The following CNTN5 variants were observed in gnomAD, a reference collection of about 807,000 sequenced individuals.
CNTN5 encodes the protein contactin-5.
CNTN5 carries 77 observed loss-of-function variants against 129.1 expected under a neutral mutation model. That is an observed-to-expected ratio of 0.60 (90% confidence interval 0.50 to 0.72). CNTN5 has a LOEUF of 0.72. CNTN5 is among the 30% of genes least tolerant of loss of function. The probability of loss-of-function intolerance (pLI) is 0.00; values close to 1 mark genes in which losing one functional copy is unlikely to be tolerated. For synonymous variants in CNTN5, 509 were observed against 465.6 expected, an observed-to-expected ratio of 1.09 and a Z score of -1.20; for missense variants, 1,478 against 1,328.8, an observed-to-expected ratio of 1.11 and a Z score of -1.75.
At chr11:99,372,619 A>T (rs1939890857) in intron 2 of CNTN5, among the ~76,000 whole-genome samples, 1 of 152,176 alleles carries the variant, frequency 6.6e-6, no homozygotes, top group African/African-American at 2.4e-5. Context: ...AAAATGTGAA[A>T]AAAAAAAGCT....
intron 2 of CNTN5, among the ~76,000 whole-genome samples, chr11:99,357,316 A>G (rs1938746860): frequency 6.6e-6 from 1 of 152,190 alleles, no homozygotes; most frequent in Non-Finnish European, 1.5e-5. Context: ...CCTGAGATCC[A>G]ATAGTTATTA....
chr11:99,296,024 T>C (rs2085901), intron 1 of CNTN5, among the ~76,000 whole-genome samples: 66,580 of 152,076 alleles, frequency 0.44, 14,738 homozygotes, highest in East Asian at 0.67. Context: ...GCTGCAAAAT[T>C]CTTCACAAAT....
At chr11:99,934,751 G>T (rs1950268816) in intron 7 of CNTN5, among the ~76,000 whole-genome samples, 1 of 151,424 alleles carries the variant, frequency 6.6e-6, no homozygotes, top group South Asian at 2.1e-4. Flanking sequence ...TGGGTGTGGT[G>T]GTATGCACCT....
At chr11:99,800,887 C>G (rs566991280) in intron 3 of CNTN5, among the ~76,000 whole-genome samples, 3 of 152,188 alleles carry the variant, frequency 2.0e-5, no homozygotes, top group African/African-American at 7.2e-5. Flanking sequence ...AATTGCCACT[C>G]TGTTCCTTTT....
At chr11:99,670,667 TC>T (rs1456944286) in intron 3 of CNTN5, among the ~76,000 whole-genome samples, 1 of 152,156 alleles carries the variant, frequency 6.6e-6, no homozygotes, top group Admixed American at 6.6e-5. Flanking sequence ...GTAGAGGAGA[TC>T]CCACAAATGT....
At chr11:99,236,325 T>C (rs1281902368) in intron 1 of CNTN5, among the ~76,000 whole-genome samples, 1 of 152,150 alleles carries the variant, frequency 6.6e-6, no homozygotes, top group Non-Finnish European at 1.5e-5. Flanking sequence ...TACCAATGTA[T>C]AGATAAGTTT....
intron 1 of CNTN5, among the ~76,000 whole-genome samples, chr11:99,106,478 A>C (rs1867001895): frequency 6.6e-6 from 1 of 152,060 alleles, no homozygotes. Flanking sequence ...ATTTTGGAGA[A>C]TATTAAATGG....
rs1003685047 is a variant in CNTN5 at position 100,340,968 on chromosome 11, G to C, written c.2918-125G>C. The C allele has an allele frequency of 8.3e-6, 6 of 720,540 alleles. No homozygotes were observed. The East Asian group carries it at 1.6e-4, about 19-fold the overall frequency. The allele number at this position is 720,540 out of a possible 1,614,324, so 44.6% of individuals were successfully genotyped here. Reference sequence around the variant, plus strand: ...AAACCCTCCTTATCTGACTCCAGCTGGAAGGAAGCCTAGATTGCCAGCCAA... The same window carrying C: ...AAACCCTCCTTATCTGACTCCAGCTCGAAGGAAGCCTAGATTGCCAGCCAA... On this transcript the variant is annotated intron_variant, in intron 22 of 24. Transcript: ENST00000524871.
intron 3 of CNTN5, among the ~76,000 whole-genome samples, chr11:99,668,282 T>C (rs1331827144): frequency 1.3e-5 from 2 of 152,168 alleles, no homozygotes; most frequent in African/African-American, 4.8e-5. Context: ...TTCTATTCTA[T>C]GATGCCTCAC....
At chr11:99,916,207 T>A (rs1182711203) in intron 7 of CNTN5, 58 bp downstream of exon 7, 1 of 1,345,244 alleles carries the variant, frequency 7.4e-7, no homozygotes. Flanking sequence ...ATGTGTTCAT[T>A]CTTTTAGACA....
At chr11:99,664,535 T>G (rs1015604396) in intron 3 of CNTN5, among the ~76,000 whole-genome samples, 4 of 152,172 alleles carry the variant, frequency 2.6e-5, no homozygotes, top group Non-Finnish European at 4.4e-5. Flanking sequence ...ATACAGGATA[T>G]CAATGGCATT....
intron 3 of CNTN5, among the ~76,000 whole-genome samples, chr11:99,733,643 A>G (rs937410041): frequency 3.3e-5 from 5 of 152,264 alleles, no homozygotes; most frequent in Admixed American, 1.3e-4. Flanking sequence ...TAAAGATGCA[A>G]GGTGCTGTAG....
chr11:100,174,448 A>G (rs1342829898), intron 13 of CNTN5, among the ~76,000 whole-genome samples: 1 of 152,126 alleles, frequency 6.6e-6, no homozygotes, highest in East Asian at 1.9e-4. Context: ...TCTAAGGGCA[A>G]CTATATACTG....
At chr11:99,300,846 T>C (rs1864602489) in intron 1 of CNTN5, among the ~76,000 whole-genome samples, 1 of 151,974 alleles carries the variant, frequency 6.6e-6, no homozygotes, top group African/African-American at 2.4e-5. Flanking sequence ...AGTGTAAACT[T>C]GTAAAACATG....
intron 1 of CNTN5, among the ~76,000 whole-genome samples, chr11:99,094,589 G>T (rs1265688978): frequency 6.6e-6 from 1 of 151,958 alleles, no homozygotes; most frequent in Non-Finnish European, 1.5e-5. Flanking sequence ...GTGGCATACA[G>T]AAGACAGCCA....
intron 2 of CNTN5, among the ~76,000 whole-genome samples, chr11:99,420,777 G>A (rs1942853546): frequency 6.6e-6 from 1 of 152,080 alleles, no homozygotes; most frequent in South Asian, 2.1e-4. Context: ...AGAAAATATG[G>A]GCAAGATAGA....
chr11:100,150,803 C>CTT, intron 13 of CNTN5, among the ~76,000 whole-genome samples: 1 of 152,184 alleles, frequency 6.6e-6, no homozygotes, highest in African/African-American at 2.4e-5. Context: ...TGGATTTAAT[C>CTT]TTTGTGTCTC....
intron 3 of CNTN5, among the ~76,000 whole-genome samples, chr11:99,801,156 G>A (rs964313238): frequency 8.5e-5 from 13 of 152,232 alleles, no homozygotes; most frequent in East Asian, 3.9e-4. Context: ...GGGCTTGCTC[G>A]TCTGCAAAAG....
chr11:99,643,388 C>T (rs893393754), intron 3 of CNTN5, among the ~76,000 whole-genome samples: 1 of 152,084 alleles, frequency 6.6e-6, no homozygotes, highest in African/African-American at 2.4e-5. Context: ...TGTATTACCT[C>T]AGACATTATA....
Sources: allele counts gnomAD v4.1 joint callset (sites outside exome capture counted in the v4.1 genomes callset), GRCh38; gene constraint gnomAD v4.1.1; transcripts MANE v1.5; gene names NCBI Gene and HGNC (gene_info 2026-07-23, HGNC 2026-07-21).